CNOT4: variants seen among roughly 807,000 people sequenced by gnomAD.
The protein encoded by CNOT4 is CCR4-NOT transcription complex subunit 4, also known as CCR4-associated factor 4.
Under a neutral mutation model 73.8 loss-of-function variants are expected in CNOT4, and 8 were observed. The observed-to-expected ratio is 0.11, with a 90% confidence interval of 0.06 to 0.20. CNOT4 has a LOEUF of 0.20. Among genes scored for constraint, CNOT4 ranks in the 10% least tolerant of loss-of-function variants. CNOT4 has a pLI of 1.00. For missense variants in CNOT4, 564 were observed against 883.4 expected (o/e 0.64, Z 4.58); for synonymous variants, 293 against 321.1 (o/e 0.91, Z 0.94).
chr7:135,416,297 A>G (rs986891674), intron 3 of CNOT4, among the ~76,000 whole-genome samples: 23 of 152,272 alleles, frequency 1.5e-4, no homozygotes, highest in African/African-American at 5.3e-4. Flanking sequence ...GAATAAATCT[A>G]CGGCGGGTGT....
At chr7:135,444,670 G>A in intron 1 of CNOT4, 1 of 1,169,556 alleles carries the variant, frequency 8.6e-7, no homozygotes, top group Non-Finnish European at 1.3e-6. Context: ...AAGGTTTTCA[G>A]TGTTTTGCTC....
At chr7:135,480,696 T>G (rs1321727581) in intron 1 of CNOT4, among the ~76,000 whole-genome samples, 1 of 152,216 alleles carries the variant, frequency 6.6e-6, no homozygotes, top group Non-Finnish European at 1.5e-5. Context: ...GAAATGTCTT[T>G]TAGGAATACA....
At chr7:135,453,109 T>A (rs1328912019) in intron 1 of CNOT4, among the ~76,000 whole-genome samples, 1 of 152,160 alleles carries the variant, frequency 6.6e-6, no homozygotes, top group African/African-American at 2.4e-5. Context: ...AGGATCCAGG[T>A]ATTATAAGCT....
At chr7:135,459,438 T>C (rs950891587) in intron 1 of CNOT4, among the ~76,000 whole-genome samples, 1 of 152,224 alleles carries the variant, frequency 6.6e-6, no homozygotes, top group African/African-American at 2.4e-5. Context: ...CTCTTTCAAA[T>C]CTTTTTCTCT....
chr7:135,474,903 A>G (rs1384344338), intron 1 of CNOT4, among the ~76,000 whole-genome samples: 1 of 152,186 alleles, frequency 6.6e-6, no homozygotes, highest in Non-Finnish European at 1.5e-5. Context: ...AATGATGGTA[A>G]TATCCTCTGA....
intron 1 of CNOT4, among the ~76,000 whole-genome samples, chr7:135,475,048 G>A (rs755963706): frequency 1.5e-4 from 23 of 152,142 alleles, no homozygotes; most frequent in Non-Finnish European, 2.6e-4. Flanking sequence ...TTAAGGCAGT[G>A]TAAAGATCTA....
At chr7:135,399,478 T>C (rs1007261332) in intron 7 of CNOT4, among the ~76,000 whole-genome samples, 11 of 152,086 alleles carry the variant, frequency 7.2e-5, no homozygotes, top group Non-Finnish European at 1.3e-4. Context: ...GTATATGTGG[T>C]CCAGCCATTG....
chr7:135,377,104 TA>T (rs1795563116), intron 10 of CNOT4, among the ~76,000 whole-genome samples: 1 of 152,224 alleles, frequency 6.6e-6, no homozygotes, highest in African/African-American at 2.4e-5. Context: ...GTTTTTAAAA[TA>T]AATGTCTGTT....
chr7:135,373,166 A>AT (rs1200502460), intron 10 of CNOT4, among the ~76,000 whole-genome samples: 1 of 152,182 alleles, frequency 6.6e-6, no homozygotes, highest in Admixed American at 6.6e-5. Context: ...GTCAGAATCC[A>AT]TAATGATCTG....
chr7:135,491,965 G>GT (rs1476506345), intron 1 of CNOT4, among the ~76,000 whole-genome samples: 1 of 152,194 alleles, frequency 6.6e-6, no homozygotes, highest in Non-Finnish European at 1.5e-5. Flanking sequence ...TAAATCTATA[G>GT]TAACACAAAG....
At chr7:135,405,236 C>T (rs932328838) in intron 7 of CNOT4, among the ~76,000 whole-genome samples, 1 of 152,150 alleles carries the variant, frequency 6.6e-6, no homozygotes, top group African/African-American at 2.4e-5. Flanking sequence ...TAAATGAACA[C>T]AGAAGACTCA....
At chr7:135,500,361 A>G (rs550992781) in intron 1 of CNOT4, among the ~76,000 whole-genome samples, 32 of 152,342 alleles carry the variant, frequency 2.1e-4, no homozygotes, top group African/African-American at 6.3e-4. Context: ...CCCCAGCTTT[A>G]AAATAAAATG....
chr7:135,406,011 C>A (rs956541997), intron 7 of CNOT4, among the ~76,000 whole-genome samples: 1 of 152,016 alleles, frequency 6.6e-6, no homozygotes, highest in Non-Finnish European at 1.5e-5. Context: ...CTTAACTTAC[C>A]TTGAAGATGA....
At position 135,362,634 on chromosome 7, in the gene CNOT4, TTAAAAAGG is replaced by T. The variant is rs753743117; in HGVS notation, c.*243_*250del. On this transcript the variant is annotated 3_prime_UTR_variant, in exon 12 of 12. Transcript: ENST00000541284. Reference sequence around the variant, plus strand: ...TGCCCTTTGATTTTTTTTTCTCTCCTTAAAAAGGCATTTTTAGAAACATTCAACAGTGT... The same window carrying T: ...TGCCCTTTGATTTTTTTTTCTCTCCTCATTTTTAGAAACATTCAACAGTGT... The T allele has an allele frequency of 2.7e-5, 16 of 598,196 alleles. No homozygotes were observed. The highest frequency in any genetic ancestry group is 4.2e-5 in the Non-Finnish European group (14 of 334,400). The allele number at this position is 598,196 out of a possible 1,614,324, so 37.1% of individuals were successfully genotyped here.
intron 1 of CNOT4, among the ~76,000 whole-genome samples, chr7:135,485,579 C>T (rs960501008): frequency 3.3e-5 from 5 of 152,036 alleles, no homozygotes; most frequent in Non-Finnish European, 5.9e-5. Flanking sequence ...ACAGAAAACC[C>T]AGAAATGTGT....
intron 10 of CNOT4, chr7:135,388,872 C>A (rs368727373): frequency 1.2e-6 from 2 of 1,612,776 alleles, no homozygotes; most frequent in East Asian, 2.2e-5. Context: ...GTGGCATGGT[C>A]GAAACCTTCA....
intron 4 of CNOT4, among the ~76,000 whole-genome samples, chr7:135,414,654 T>C (rs998053472): frequency 6.6e-6 from 1 of 152,090 alleles, no homozygotes; most frequent in African/African-American, 2.4e-5. Flanking sequence ...CTGTAATATA[T>C]GTGAATAAAA....
chr7:135,442,179 T>C (rs1346497450), intron 1 of CNOT4, among the ~76,000 whole-genome samples: 2 of 152,236 alleles, frequency 1.3e-5, no homozygotes, highest in East Asian at 3.8e-4. Flanking sequence ...CTAAATGTAT[T>C]ATAGTACCCC....
At chr7:135,414,295 T>TA (rs567428044) in intron 5 of CNOT4, 36 bp downstream of exon 5, 38,846 of 665,278 alleles carry the variant, frequency 0.058, 2 homozygotes, top group South Asian at 0.072. Flanking sequence ...TCGTCTTCCT[T>TA]AAAAAAAAAA....
Sources: allele counts gnomAD v4.1 joint callset (sites outside exome capture counted in the v4.1 genomes callset), GRCh38; gene constraint gnomAD v4.1.1; transcripts MANE v1.5; gene names NCBI Gene and HGNC (gene_info 2026-07-23, HGNC 2026-07-21).